Variants in PREX2 observed in about 807,000 individuals in gnomAD.
The protein encoded by PREX2 is phosphatidylinositol-3,4,5-trisphosphate dependent Rac exchange factor 2.
In PREX2, 107 loss-of-function variants were observed where a neutral mutation model predicts 203.2. The ratio of observed to expected loss-of-function variants is 0.53; its 90% CI spans 0.45 to 0.62. PREX2 has a LOEUF of 0.62. PREX2 is among the 20% of genes least tolerant of loss of function. PREX2 has a pLI of 0.00. For synonymous variants in PREX2, 672 were observed against 663.6 expected, an observed-to-expected ratio of 1.01 and a Z score of -0.19; for missense variants, 1,777 against 1,955.9, an observed-to-expected ratio of 0.91 and a Z score of 1.72.
intron 1 of PREX2, among the ~76,000 whole-genome samples, chr8:67,988,181 C>A (rs1806492507): frequency 6.6e-6 from 1 of 152,208 alleles, no homozygotes; most frequent in Non-Finnish European, 1.5e-5. Context: ...ACCTTACTAT[C>A]TGCCTCTCCT....
At chr8:68,149,048 T>C (rs1446415741) in intron 34 of PREX2, among the ~76,000 whole-genome samples, 2 of 152,218 alleles carry the variant, frequency 1.3e-5, no homozygotes, top group East Asian at 3.8e-4. Flanking sequence ...TAGTTTTGTA[T>C]ATACATGACT....
intron 10 of PREX2, among the ~76,000 whole-genome samples, chr8:68,058,594 C>T (rs1836438): frequency 0.59 from 89,567 of 151,828 alleles, 28,398 homozygotes; most frequent in African/African-American, 0.84. Context: ...CCACCACACC[C>T]GGCTGATTTT....
intron 25 of PREX2, among the ~76,000 whole-genome samples, chr8:68,110,472 A>C (rs1404269141): frequency 6.6e-6 from 1 of 152,226 alleles, no homozygotes; most frequent in Non-Finnish European, 1.5e-5. Flanking sequence ...TTGCTCATCC[A>C]TTCAAGGGAT....
intron 35 of PREX2, among the ~76,000 whole-genome samples, chr8:68,167,000 GC>G (rs1811773601): frequency 6.6e-6 from 1 of 152,132 alleles, no homozygotes; most frequent in African/African-American, 2.4e-5. Context: ...CAAAATTAAA[GC>G]ATTTGTAGAG....
At chr8:68,142,533 A>G (rs1410472524) in intron 33 of PREX2, among the ~76,000 whole-genome samples, 1 of 152,178 alleles carries the variant, frequency 6.6e-6, no homozygotes, top group Non-Finnish European at 1.5e-5. Context: ...TTATCCATTC[A>G]AAGGACATCT....
chr8:67,968,555 T>C (rs1195599942), intron 1 of PREX2, among the ~76,000 whole-genome samples: 1 of 152,230 alleles, frequency 6.6e-6, no homozygotes, highest in Non-Finnish European at 1.5e-5. Context: ...TTTAGCTGTC[T>C]GTATTTTTTT....
At chr8:68,098,628 A>G (rs1810160947) in intron 22 of PREX2, among the ~76,000 whole-genome samples, 1 of 152,046 alleles carries the variant, frequency 6.6e-6, no homozygotes, top group Non-Finnish European at 1.5e-5. Context: ...GGATTATTCT[A>G]TATATGACAG....
At chr8:68,038,057 G>A in intron 6 of PREX2, 102 bp from the exon 7 acceptor site, 1 of 1,288,964 alleles carries the variant, frequency 7.8e-7, no homozygotes, top group Non-Finnish European at 1.1e-6. Context: ...TGCATAGCTT[G>A]CTTCTTAAAA....
chr8:68,030,725 C>A, intron 6 of PREX2, 67 bp downstream of exon 6: 1 of 1,487,356 alleles, frequency 6.7e-7, no homozygotes, highest in South Asian at 1.2e-5. Flanking sequence ...TGCAGAATTA[C>A]TGGCGTTGGA....
rs1312685447 is a variant in PREX2, at chr8:68,234,216, C to T, written c.*2838C>T. ...ACAATTTTTTCAATGCCATATGTAC[C>T]TCCATGTGACATTGGGCATTAAATG... On this transcript the variant is annotated 3_prime_UTR_variant, in exon 40 of 40. Transcript: ENST00000288368. 1 of 152,048 alleles carries T rather than the reference C, an allele frequency of 6.6e-6. No individual in the cohort carries two copies. The highest frequency in any genetic ancestry group is 1.5e-5 in the Non-Finnish European group (1 of 68,002). The allele number at this position is 152,048 out of a possible 1,614,324, so 9.4% of individuals were successfully genotyped here.
rs1214117748 is a variant in PREX2 at position 68,234,435 on chromosome 8, T to C, written c.*3057T>C. 2.0e-5 allele frequency: 3 copies of C among 152,110 alleles called. No homozygotes were observed. The highest frequency in any genetic ancestry group is 7.2e-5 in the African/African-American group (3 of 41,430). 9.4% of individuals were successfully genotyped at this position (152,110 alleles called of 1,614,324 possible). On this transcript the variant is annotated 3_prime_UTR_variant, in exon 40 of 40. Transcript: ENST00000288368. ...AACTTAGAGCCTGACTCAAAAATAA[T>C]TGTGAACTAAAAATTCATAGTCAAT...
At chr8:67,964,788 C>T (rs1805722977) in intron 1 of PREX2, among the ~76,000 whole-genome samples, 1 of 152,164 alleles carries the variant, frequency 6.6e-6, no homozygotes, top group African/African-American at 2.4e-5. Context: ...ACTGCATATT[C>T]ATTAACTCAC....
At chr8:68,222,163 C>A (rs72662938) in intron 38 of PREX2, among the ~76,000 whole-genome samples, 1 of 152,078 alleles carries the variant, frequency 6.6e-6, no homozygotes, top group Non-Finnish European at 1.5e-5. Context: ...ATTAGCCCTG[C>A]CTGCTGGAAA....
chr8:68,003,842 CTTTTTTTT>C (rs148890144), intron 1 of PREX2, among the ~76,000 whole-genome samples: 15 of 90,610 alleles, frequency 1.7e-4, no homozygotes, highest in South Asian at 4.2e-4. Context: ...CTGGCCTGAC[CTTTTTTTT>C]TTTTTTTTTT....
chr8:68,074,199 A>G (rs1343009353), intron 14 of PREX2, among the ~76,000 whole-genome samples: 1 of 152,250 alleles, frequency 6.6e-6, no homozygotes, highest in African/African-American at 2.4e-5. Context: ...CTCTGACCTC[A>G]AGTGATCCAC....
chr8:68,225,065 C>G (rs1256486478), intron 39 of PREX2, among the ~76,000 whole-genome samples: 1 of 152,126 alleles, frequency 6.6e-6, no homozygotes, highest in Non-Finnish European at 1.5e-5. Flanking sequence ...TTTCCTTCCT[C>G]TCTGTACTCC....
intron 17 of PREX2, among the ~76,000 whole-genome samples, chr8:68,081,954 C>T (rs1179261720): frequency 6.6e-6 from 1 of 152,050 alleles, no homozygotes; most frequent in African/African-American, 2.4e-5. Context: ...ACCTCAGCCT[C>T]CCAAAGTTCT....
At chr8:68,223,515 GTTTTCC>G (rs1812998041) in intron 38 of PREX2, 1 of 151,866 alleles carries the variant, frequency 6.6e-6, no homozygotes, top group Non-Finnish European at 1.5e-5. Flanking sequence ...TTCCCTTTTT[GTTTTCC>G]TATTTTACGT....
chr8:68,211,881 G>A (rs180868268), intron 37 of PREX2, among the ~76,000 whole-genome samples: 156 of 152,296 alleles, frequency 1.0e-3, no homozygotes, highest in African/African-American at 2.9e-3. Flanking sequence ...TGAAAATGTT[G>A]CCACTGGAAA....
Sources: allele counts gnomAD v4.1 joint callset (sites outside exome capture counted in the v4.1 genomes callset), GRCh38; gene constraint gnomAD v4.1.1; transcripts MANE v1.5; gene names NCBI Gene and HGNC (gene_info 2026-07-23, HGNC 2026-07-21).